ROBO1: variants seen among roughly 807,000 people sequenced by gnomAD.
The protein encoded by ROBO1 is roundabout guidance receptor 1, also known as roundabout homolog 1.
In ROBO1, 149 loss-of-function variants were observed where a neutral mutation model predicts 195.9. The observed-to-expected ratio is 0.76, with a 90% confidence interval of 0.67 to 0.87. The LOEUF is 0.87. ROBO1 is among the 40% of genes least tolerant of loss of function. The probability of loss-of-function intolerance (pLI) is 0.00; values close to 1 mark genes in which losing one functional copy is unlikely to be tolerated. For missense variants in ROBO1, 1,933 were observed against 2,068.3 expected, an observed-to-expected ratio of 0.93 and a Z score of 1.27; for synonymous variants, 816 against 733.2, an observed-to-expected ratio of 1.11 and a Z score of -1.82.
chr3:78,741,268 C>T (rs1289457221), intron 5 of ROBO1, among the ~76,000 whole-genome samples: 3 of 152,156 alleles, frequency 2.0e-5, no homozygotes, highest in Non-Finnish European at 4.4e-5. Flanking sequence ...AAATCCAATA[C>T]AAAGTATGAG....
chr3:78,761,268 A>C (rs1415596948), intron 4 of ROBO1, among the ~76,000 whole-genome samples: 1 of 152,160 alleles, frequency 6.6e-6, no homozygotes. Context: ...ACTTAAAAAA[A>C]AAAATACAAA....
chr3:79,146,193 G>A (rs1397722485), intron 2 of ROBO1, among the ~76,000 whole-genome samples: 2 of 151,872 alleles, frequency 1.3e-5, no homozygotes, highest in Admixed American at 6.6e-5. Flanking sequence ...ACGTCACAGA[G>A]CTTGGAATTG....
At chr3:79,179,297 C>T (rs1463003993) in intron 2 of ROBO1, among the ~76,000 whole-genome samples, 1 of 152,020 alleles carries the variant, frequency 6.6e-6, no homozygotes, top group African/African-American at 2.4e-5. Flanking sequence ...AAAGGAATTC[C>T]TTAATTAAAA....
intron 4 of ROBO1, among the ~76,000 whole-genome samples, chr3:78,832,252 G>C (rs2032293535): frequency 6.6e-6 from 1 of 152,048 alleles, no homozygotes; most frequent in Non-Finnish European, 1.5e-5. Flanking sequence ...ATCTTAAATT[G>C]CTGGTTCTTT....
chr3:79,290,932 C>T (rs1014505772), intron 2 of ROBO1, among the ~76,000 whole-genome samples: 10 of 152,134 alleles, frequency 6.6e-5, no homozygotes, highest in Admixed American at 6.5e-4. Flanking sequence ...TATATTTTCT[C>T]CTTACACTAT....
At chr3:78,906,818 G>A (rs551654615) in intron 4 of ROBO1, among the ~76,000 whole-genome samples, 34 of 151,764 alleles carry the variant, frequency 2.2e-4, no homozygotes, top group Middle Eastern at 6.8e-3. Flanking sequence ...ACATGTTAAC[G>A]TAAGTAACAC....
intron 2 of ROBO1, among the ~76,000 whole-genome samples, chr3:79,445,105 AG>A (rs1416609526): frequency 2.0e-5 from 3 of 152,044 alleles, no homozygotes; most frequent in African/African-American, 7.2e-5. Flanking sequence ...CAATCAGTCC[AG>A]TTGTATCCTC....
intron 1 of ROBO1, among the ~76,000 whole-genome samples, chr3:79,760,415 G>GA (rs768414808): frequency 1.5e-5 from 2 of 135,770 alleles, no homozygotes; most frequent in Non-Finnish European, 3.1e-5. Context: ...TATCATATTT[G>GA]AAAAAACGAT....
At chr3:78,925,804 GGGA>G (rs2039179994) in intron 4 of ROBO1, among the ~76,000 whole-genome samples, 1 of 152,100 alleles carries the variant, frequency 6.6e-6, no homozygotes, top group Non-Finnish European at 1.5e-5. Context: ...TGGTGGGTGT[GGGA>G]GGAGTGGGGA....
intron 2 of ROBO1, among the ~76,000 whole-genome samples, chr3:79,584,660 C>T (rs946091968): frequency 2.8e-5 from 4 of 141,874 alleles, no homozygotes; most frequent in African/African-American, 8.3e-5. Context: ...CACACACACA[C>T]ATACACGTAC....
intron 1 of ROBO1, among the ~76,000 whole-genome samples, chr3:79,696,817 T>G (rs1214980889): frequency 6.6e-6 from 1 of 151,518 alleles, no homozygotes; most frequent in Non-Finnish European, 1.5e-5. Context: ...GAGAGCCATG[T>G]TCAGACCAAG....
At chr3:78,972,932 T>C (rs1041798367) in intron 3 of ROBO1, among the ~76,000 whole-genome samples, 1 of 152,208 alleles carries the variant, frequency 6.6e-6, no homozygotes, top group Admixed American at 6.5e-5. Flanking sequence ...CCAAGCATCA[T>C]GTTTGCTCTT....
intron 2 of ROBO1, among the ~76,000 whole-genome samples, chr3:79,321,789 T>C (rs981528102): frequency 2.6e-5 from 4 of 152,196 alleles, no homozygotes; most frequent in Non-Finnish European, 4.4e-5. Context: ...GGGATTGCTC[T>C]CCTTAAAATG....
chr3:79,519,405 T>C (rs1941098766), intron 2 of ROBO1, among the ~76,000 whole-genome samples: 1 of 151,272 alleles, frequency 6.6e-6, no homozygotes, highest in Admixed American at 6.6e-5. Flanking sequence ...CCGAAACGGG[T>C]GGATCACGAG....
intron 1 of ROBO1, among the ~76,000 whole-genome samples, chr3:79,713,612 T>C (rs1434262806): frequency 6.6e-6 from 1 of 152,164 alleles, no homozygotes; most frequent in African/African-American, 2.4e-5. Flanking sequence ...ATCCCATTTG[T>C]CAATTTTGGC....
At chr3:79,711,303 C>G (rs114937929) in intron 1 of ROBO1, among the ~76,000 whole-genome samples, 1 of 151,840 alleles carries the variant, frequency 6.6e-6, no homozygotes, top group East Asian at 1.9e-4. Context: ...CAACTTGTTA[C>G]GTTGTAAAAG....
At chr3:79,333,578 C>A (rs943361437) in intron 2 of ROBO1, among the ~76,000 whole-genome samples, 2 of 152,106 alleles carry the variant, frequency 1.3e-5, no homozygotes, top group African/African-American at 4.8e-5. Context: ...CCCACCCACT[C>A]CCCACTCCAA....
chr3:79,260,037 G>T (rs2082910172), intron 2 of ROBO1, among the ~76,000 whole-genome samples: 1 of 150,558 alleles, frequency 6.6e-6, no homozygotes, highest in Non-Finnish European at 1.5e-5. Context: ...AGAAAAGAAT[G>T]AACAAAAAAA....
At chr3:79,240,644 A>ATTAT (rs1195997044) in intron 2 of ROBO1, among the ~76,000 whole-genome samples, 1 of 151,784 alleles carries the variant, frequency 6.6e-6, no homozygotes, top group Non-Finnish European at 1.5e-5. Flanking sequence ...CATTATATTT[A>ATTAT]TTATTTATTT....
Sources: gnomAD v4.1 joint callset for allele counts (sites outside exome capture counted in the v4.1 genomes callset) on GRCh38, gnomAD v4.1.1 for gene constraint, MANE v1.5 for transcripts, NCBI Gene and HGNC (gene_info 2026-07-23, HGNC 2026-07-21) for gene names.